SEMA4D: variants seen among roughly 807,000 people sequenced by gnomAD.
The protein encoded by SEMA4D is semaphorin 4D.
Under a neutral mutation model 74.8 loss-of-function variants are expected in SEMA4D, and 22 were observed. The observed-to-expected ratio is 0.29, with a 90% CI of 0.21 to 0.42. SEMA4D has a LOEUF of 0.42. SEMA4D is among the 10% of genes least tolerant of loss of function. The pLI, the probability that SEMA4D is intolerant of heterozygous loss-of-function variation, is 1.00. For missense variants in SEMA4D, 937 were observed against 1,118.4 expected, an observed-to-expected ratio of 0.84 and a Z score of 2.31; for synonymous variants, 445 against 463.7, an observed-to-expected ratio of 0.96 and a Z score of 0.52.
chr9:89,380,109 T>G (rs945106112), intron 15 of SEMA4D, among the ~76,000 whole-genome samples: 1 of 151,298 alleles, frequency 6.6e-6, no homozygotes, highest in Non-Finnish European at 1.5e-5. Context: ...CACAGCTCAC[T>G]GCAGCTTCAA....
chr9:89,420,024 T>C (rs1415934142), intron 2 of SEMA4D, among the ~76,000 whole-genome samples: 1 of 152,210 alleles, frequency 6.6e-6, no homozygotes, highest in African/African-American at 2.4e-5. Context: ...TTAAGACACG[T>C]ATCATATTCA....
chr9:89,387,509 A>G lies in SEMA4D; in HGVS notation c.1207T>C (p.Ser403Pro). The G allele has an allele frequency of 1.2e-6, 2 of 1,614,226 alleles. No homozygotes were observed. The highest frequency in any genetic ancestry group is 1.7e-6 in the Non-Finnish European group (2 of 1,180,030). Residue 403 changes from serine (S) to proline (P), a missense_variant, in exon 12 of 16, where the codon TCG (serine) becomes CCG (proline). Coordinates refer to ENST00000422704, the MANE Select transcript of SEMA4D (RefSeq NM_001371194.2). ...FVKDHPLMDD[S>P]VTPIDNRPRL... ...GGCCTGTTGTCTATTGGGGTTACCG[A>G]GTCATCCATCAAAGGGTGGTCTTTA...
In SEMA4D at chr9:89,387,109, C is replaced by T. The variant is rs554182379; in HGVS notation, c.1330+277G>A. ...CGTGGGCACTGCCCCAACTCCTCGG[C>T]GGCCAGTACTCCTCTGCCCCAGCCC... On this transcript the variant is annotated intron_variant, in intron 12 of 15. Coordinates refer to ENST00000422704, the MANE Select transcript of SEMA4D (RefSeq NM_001371194.2). The T allele has an allele frequency of 6.1e-5, 23 of 376,840 alleles. No individual in the cohort carries two copies. The East Asian group carries it at 6.3e-4, about 10-fold the overall frequency. 23.3% of individuals were successfully genotyped at this position (376,840 alleles called of 1,614,324 possible).
intron 1 of SEMA4D, among the ~76,000 whole-genome samples, chr9:89,467,600 C>T (rs997318557): frequency 1.3e-5 from 2 of 150,032 alleles, no homozygotes; most frequent in African/African-American, 4.9e-5. Flanking sequence ...GGTACAATCT[C>T]AGCTTACTGC....
At chr9:89,491,183 C>T (rs980757112) in intron 1 of SEMA4D, among the ~76,000 whole-genome samples, 5 of 152,196 alleles carry the variant, frequency 3.3e-5, no homozygotes, top group South Asian at 2.1e-4. Flanking sequence ...ACCTGGGGAC[C>T]GCTACTTTCT....
intron 1 of SEMA4D, among the ~76,000 whole-genome samples, chr9:89,487,420 T>C (rs1825278647): frequency 6.6e-6 from 1 of 152,118 alleles, no homozygotes. Flanking sequence ...CCTAACATCA[T>C]ACTTAACAAC....
At chr9:89,374,497 CTGAG>C (rs1350444945), downstream of SEMA4D, among the ~76,000 whole-genome samples, 2 of 152,188 alleles carry the variant, frequency 1.3e-5, no homozygotes, top group African/African-American at 2.4e-5. Context: ...GCAAGTGAGA[CTGAG>C]TGTTTGACAC....
chr9:89,361,995 C>T (rs952355258), exon 19 of SEMA4D: 9 of 292,180 alleles, frequency 3.1e-5, no homozygotes, highest in African/African-American at 1.9e-4. Context: ...GGGGTGGGGG[C>T]ACTCTGTCAA....
At position 89,396,841 on chromosome 9, in the gene SEMA4D, G is replaced by C; in HGVS notation, c.316-6C>G. 6.2e-7 allele frequency: 1 copy of C among 1,612,034 alleles called. No individual in the cohort carries two copies. The highest frequency in any genetic ancestry group is 8.5e-7 in the Non-Finnish European group (1 of 1,178,886). Reference sequence around the variant, plus strand: ...ATGTAGTTGAGGCACTCTGTCTGCAGGGAAGAGAAATGCACCATTAGCAAC... The same window carrying C: ...ATGTAGTTGAGGCACTCTGTCTGCACGGAAGAGAAATGCACCATTAGCAAC... On this transcript the variant is annotated splice_polypyrimidine_tract_variant and splice_region_variant and intron_variant, in intron 5 of 15. Transcript: ENST00000422704.
chr9:89,371,403 GTC>G (rs1311574714), intron 16 of SEMA4D, among the ~76,000 whole-genome samples: 2 of 130,252 alleles, frequency 1.5e-5, no homozygotes, highest in Admixed American at 7.4e-5. Flanking sequence ...TGTGGTGTGT[GTC>G]TGGGGTGTGG....
intron 13 of SEMA4D, chr9:89,386,011 T>C: frequency 1.0e-6 from 1 of 985,328 alleles, no homozygotes; most frequent in African/African-American, 1.7e-5. Flanking sequence ...TGTATCACTA[T>C]CATATCCCAC....
chr9:89,367,260 C>T (rs1833818097), intron 16 of SEMA4D: 2 of 152,472 alleles, frequency 1.3e-5, no homozygotes, highest in African/African-American at 4.8e-5. Context: ...GGTGCAAACC[C>T]ACGTATGTCC....
chr9:89,387,193 G>C (rs1838722033), intron 12 of SEMA4D, 193 bp downstream of exon 12: 4 of 569,628 alleles, frequency 7.0e-6, no homozygotes, highest in Non-Finnish European at 9.3e-6. Flanking sequence ...CCAGTAGCCT[G>C]GTGGTCCCAG....
chr9:89,413,549 T>C (rs1844995599), intron 2 of SEMA4D, among the ~76,000 whole-genome samples: 1 of 152,262 alleles, frequency 6.6e-6, no homozygotes, highest in African/African-American at 2.4e-5. Flanking sequence ...TATCCATGTT[T>C]GTACATTTGT....
chr9:89,375,038 G>GC (rs1300722021), downstream of SEMA4D, among the ~76,000 whole-genome samples: 4 of 152,190 alleles, frequency 2.6e-5, no homozygotes. Context: ...GGGCAACAGA[G>GC]CAAGACTCTG....
At chr9:89,410,169 GC>G (rs1326828364) in intron 2 of SEMA4D, among the ~76,000 whole-genome samples, 1 of 152,184 alleles carries the variant, frequency 6.6e-6, no homozygotes, top group Non-Finnish European at 1.5e-5. Flanking sequence ...CCAGAATGAT[GC>G]CGCTGAACTG....
At chr9:89,367,966 T>C (rs1271517574) in intron 16 of SEMA4D, 1 of 152,238 alleles carries the variant, frequency 6.6e-6, no homozygotes, top group African/African-American at 2.4e-5. Context: ...TGGATGTGAT[T>C]ACAAAATATG....
chr9:89,479,207 G>A (rs1862545350), intron 1 of SEMA4D, among the ~76,000 whole-genome samples: 1 of 152,188 alleles, frequency 6.6e-6, no homozygotes, highest in Non-Finnish European at 1.5e-5. Flanking sequence ...AAGCCACATT[G>A]GGGGTCACTC....
intron 2 of SEMA4D, among the ~76,000 whole-genome samples, chr9:89,437,966 C>T (rs535238359): frequency 6.6e-6 from 1 of 152,382 alleles, no homozygotes; most frequent in East Asian, 1.9e-4. Context: ...GCACCAGGCT[C>T]TGCGCCCTTC....
Sources: allele counts gnomAD v4.1 joint callset (sites outside exome capture counted in the v4.1 genomes callset), GRCh38; gene constraint gnomAD v4.1.1; transcripts MANE v1.5; gene names NCBI Gene and HGNC (gene_info 2026-07-23, HGNC 2026-07-21).